The following MIS18BP1 variants were observed in gnomAD, a reference collection of about 807,000 sequenced individuals.
MIS18BP1 encodes the protein mis18-binding protein 1.
A neutral mutation model predicts 116.1 loss-of-function variants in MIS18BP1; 72 were observed. The observed-to-expected ratio is 0.62, with a 90% confidence interval of 0.51 to 0.75. The LOEUF is 0.75. MIS18BP1 is among the 30% of genes least tolerant of loss of function. The probability of loss-of-function intolerance (pLI) is 0.00; values close to 1 mark genes in which losing one functional copy is unlikely to be tolerated. For missense variants in MIS18BP1, 1,363 were observed against 1,303.2 expected (o/e 1.05, Z -0.71); for synonymous variants, 386 against 427.0 (o/e 0.90, Z 1.18).
Position 45,218,463 on chromosome 14 carries a change from G to GA in MIS18BP1, c.2670-10dup. The GA allele has an allele frequency of 6.3e-7, 1 of 1,580,984 alleles. No individual in the cohort carries two copies. The highest frequency in any genetic ancestry group is 1.2e-5 in the South Asian group (1 of 85,182). On this transcript the variant is annotated splice_polypyrimidine_tract_variant and intron_variant, in intron 11 of 16. Transcript: ENST00000310806. ...GAAGAGATGCAAAAGCACTATGGAA[G>GA]ATCAAAACCAATTAAAGAATAAGAA...
intron 2 of MIS18BP1, 30 bp from the exon 3 acceptor site, chr14:45,242,904 A>T (rs761820069): frequency 2.8e-6 from 4 of 1,449,556 alleles, no homozygotes; most frequent in Non-Finnish European, 3.8e-6. Flanking sequence ...AGAAAGAAGA[A>T]GTTGAATTGT....
Position 45,227,537 on chromosome 14 carries a change from T to G in MIS18BP1, c.1746+126A>C, listed in dbSNP as rs372402256. ...TCCAGCCTGGGCAATAGAGGGAGAC[T>G]CCATCTCAAAAGAAAAAAAAAAAAA... On this transcript the variant is annotated intron_variant, in intron 9 of 16. Coordinates refer to ENST00000310806, the MANE Select transcript of MIS18BP1 (RefSeq NM_018353.5). 76 of 747,680 alleles carry G rather than the reference T, an allele frequency of 1.0e-4. No individual in the cohort carries two copies. The African/African-American group carries it at 1.3e-3, about 13-fold the overall frequency. The allele number at this position is 747,680 out of a possible 1,614,324, so 46.3% of individuals were successfully genotyped here. A position where few individuals can be genotyped will look rare whatever the true frequency, so the allele number is the denominator to read the frequency against.
At chr14:45,227,034 A>G (rs2139191474) in intron 9 of MIS18BP1, among the ~76,000 whole-genome samples, 198 bp from the exon 10 acceptor site, 1 of 152,294 alleles carries the variant, frequency 6.6e-6, no homozygotes, top group South Asian at 2.1e-4. Context: ...ATTATCCTAC[A>G]TATTTTCTAC....
chr14:45,232,244 G>A (rs1332470356), intron 7 of MIS18BP1, among the ~76,000 whole-genome samples: 1 of 151,548 alleles, frequency 6.6e-6, no homozygotes, highest in Non-Finnish European at 1.5e-5. Context: ...GTGAAACCCT[G>A]TCTCTACTAA....
chr14:45,221,941 C>T (rs770329335), intron 11 of MIS18BP1, among the ~76,000 whole-genome samples: 3 of 152,184 alleles, frequency 2.0e-5, no homozygotes, highest in African/African-American at 7.2e-5. Context: ...CAGGTGCATA[C>T]ACACTTAGGA....
At chr14:45,236,554 A>G (rs1891434147) in intron 5 of MIS18BP1, among the ~76,000 whole-genome samples, 1 of 152,222 alleles carries the variant, frequency 6.6e-6, no homozygotes, top group Non-Finnish European at 1.5e-5. Context: ...TTCATCAGAT[A>G]ACTAATAATA....
At chr14:45,231,093 G>T (rs754484640) in intron 8 of MIS18BP1, 48 bp downstream of exon 8, 1 of 1,576,764 alleles carries the variant, frequency 6.3e-7, no homozygotes, top group African/African-American at 1.4e-5. Context: ...TGTAGACCAT[G>T]TAAGAACTTA....
At chr14:45,248,201 T>C (rs987390317) in intron 1 of MIS18BP1, among the ~76,000 whole-genome samples, 3 of 151,616 alleles carry the variant, frequency 2.0e-5, no homozygotes, top group East Asian at 2.0e-4. Flanking sequence ...GTAGCTGGAA[T>C]TGGAATTATG....
Position 45,204,397 on chromosome 14 carries a change from A to G in MIS18BP1, c.3295+2T>C. 2 of 1,605,582 alleles carry G rather than the reference A, an allele frequency of 1.2e-6. No individual in the cohort carries two copies. The highest frequency in any genetic ancestry group is 1.7e-6 in the Non-Finnish European group (2 of 1,176,708). On this transcript the variant is annotated splice_donor_variant, in intron 16 of 16. Coordinates refer to ENST00000310806, the MANE Select transcript of MIS18BP1 (RefSeq NM_018353.5). LOFTEE classifies it high-confidence loss of function. ...CACAAAAGAAAGCTGTAAGTGTATT[A>G]CCTGTGTTAAATGGGGTTTTCCTTC...
In MIS18BP1 at chr14:45,206,082, CTAAT is replaced by C; in HGVS notation, c.3237_3240del (p.Val1081LysfsTer19). On this transcript the variant is annotated frameshift_variant and splice_region_variant, in exon 15 of 17. Transcript: ENST00000310806. LOFTEE classifies it high-confidence loss of function. ...TGTATTGGATAAAGAAAAATACTTA[CTAAT>C]TTTTTCTTGATGTTGCCCCAGACAA... 1 of 1,571,564 alleles carries C rather than the reference CTAAT, an allele frequency of 6.4e-7. No individual in the cohort carries two copies. Among genetic ancestry groups the C allele is most frequent in the Non-Finnish European group, 8.7e-7 (1 of 1,145,324 alleles).
chr14:45,242,166 T>G lies in MIS18BP1; in HGVS notation c.1011A>C (p.Lys337Asn). ...PGETGLPGSM[K>N]DTCKIVLATP... ...TTGCAAGTACAATTTTACATGTATCTTTCATGGAACCTGGAAGACCTGTCT... is the reference window on the plus strand; with the variant it reads ...TTGCAAGTACAATTTTACATGTATCGTTCATGGAACCTGGAAGACCTGTCT... The change falls in exon 4 of 17, where the codon AAA (lysine) becomes AAC (asparagine). Residue 337 changes from lysine to asparagine, a missense_variant. Physicochemically the swap from Lys to Asn is moderately conservative, Grantham distance 94. Coordinates refer to ENST00000310806, the MANE Select transcript of MIS18BP1 (RefSeq NM_018353.5). 6.2e-7 allele frequency: 1 copy of G among 1,614,130 alleles called. No homozygotes were observed. Among genetic ancestry groups the G allele is most frequent in the Non-Finnish European group, 8.5e-7 (1 of 1,179,996 alleles).
At chr14:45,252,311 AAGAT>A (rs1367043447) in intron 1 of MIS18BP1, among the ~76,000 whole-genome samples, 1 of 152,272 alleles carries the variant, frequency 6.6e-6, no homozygotes, top group African/African-American at 2.4e-5. Context: ...ATTCAATAAA[AAGAT>A]ATATATGTAC....
chr14:45,208,293 G>C (rs1890575284), intron 14 of MIS18BP1, among the ~76,000 whole-genome samples: 1 of 149,074 alleles, frequency 6.7e-6, no homozygotes, highest in Non-Finnish European at 1.5e-5. Context: ...TTTCCTTAAA[G>C]TGTCTAATAA....
chr14:45,224,072 CG>C lies in MIS18BP1; in HGVS notation c.2514del (p.Val839SerfsTer20), dbSNP rs1566809875. On this transcript the variant is annotated frameshift_variant, in exon 11 of 17. Transcript: ENST00000310806. LOFTEE classifies it high-confidence loss of function. ...CCAGACTTCTGAAGAGTTTCTTTGA[CG>C]GAAGGTCTAGCTTTCTTTTGTTTGA... ...FYIKQKKARP[S>X]VKETLQKSGV... 6.2e-7 allele frequency: 1 copy of C among 1,613,568 alleles called. No individual in the cohort carries two copies. Among genetic ancestry groups the C allele is most frequent in the Non-Finnish European group, 8.5e-7 (1 of 1,179,890 alleles).
intron 15 of MIS18BP1, 35 bp downstream of exon 15, chr14:45,206,048 T>A (rs775390428): frequency 2.2e-6 from 3 of 1,371,450 alleles, no homozygotes; most frequent in Non-Finnish European, 3.1e-6. Context: ...TAAAGTTGTT[T>A]CATAGATATG....
At chr14:45,248,469 A>G (rs1341499916) in intron 1 of MIS18BP1, among the ~76,000 whole-genome samples, 4 of 152,206 alleles carry the variant, frequency 2.6e-5, no homozygotes, top group Non-Finnish European at 4.4e-5. Context: ...GTAAATAAAT[A>G]AAACATTTCA....
At chr14:45,206,363 T>C (rs1306363824) in intron 14 of MIS18BP1, 193 bp from the exon 15 acceptor site, 1 of 480,000 alleles carries the variant, frequency 2.1e-6, no homozygotes, top group Non-Finnish European at 3.8e-6. Context: ...AATGGCTCAC[T>C]GCAGCCTCAA....
intron 8 of MIS18BP1, among the ~76,000 whole-genome samples, chr14:45,228,935 G>A (rs976942194): frequency 5.9e-5 from 9 of 151,776 alleles, no homozygotes; most frequent in African/African-American, 1.9e-4. Context: ...TGTTAGATGT[G>A]GTTTTGTTTT....
chr14:45,218,716 G>A (rs993041531), intron 11 of MIS18BP1, among the ~76,000 whole-genome samples: 1 of 151,262 alleles, frequency 6.6e-6, no homozygotes, highest in African/African-American at 2.4e-5. Context: ...CCTGAAAAAT[G>A]ACCCTCAGCC....
Sources: gnomAD v4.1 joint callset for allele counts (sites outside exome capture counted in the v4.1 genomes callset) on GRCh38, gnomAD v4.1.1 for gene constraint, MANE v1.5 for transcripts, NCBI Gene and HGNC (gene_info 2026-07-23, HGNC 2026-07-21) for gene names.